Variants in TMC4 observed in about 807,000 individuals in gnomAD.
The protein encoded by TMC4 is transmembrane channel like 4.
In TMC4, 70 loss-of-function variants were observed where a neutral mutation model predicts 82.0. That is an observed-to-expected ratio of 0.85 (90% CI 0.70 to 1.04). The LOEUF is 1.04. Among genes scored for constraint, TMC4 ranks in the 50% least tolerant of loss-of-function variants. TMC4 has a pLI of 0.00. For missense variants in TMC4, 879 were observed against 899.0 expected, an observed-to-expected ratio of 0.98 and a Z score of 0.28; for synonymous variants, 446 against 406.0, an observed-to-expected ratio of 1.10 and a Z score of -1.18.
Position 54,165,424 on chromosome 19 carries a change from AT to A in TMC4, c.939del (p.Glu313AspfsTer2). The part of the protein sequence containing the change: ...VRLRQRIILY[E>X]LKVELEETVV... ...ACCCCGCTCCCTAATCGCACCTTTA[AT>A]TCGTACAAGATGATGCGCTGGCGCA... On this transcript the variant is annotated frameshift_variant, in exon 6 of 15. Coordinates refer to ENST00000619895, the MANE Select transcript of TMC4 (RefSeq NM_144686.4). LOFTEE classifies it high-confidence loss of function. 6.3e-7 allele frequency: 1 copy of A among 1,599,794 alleles called. No homozygotes were observed. The highest frequency in any genetic ancestry group is 1.1e-5 in the South Asian group (1 of 90,650).
intron 2 of TMC4, among the ~76,000 whole-genome samples, chr19:54,169,901 C>A (rs1438457878): frequency 6.6e-6 from 1 of 151,204 alleles, no homozygotes; most frequent in Non-Finnish European, 1.5e-5. Flanking sequence ...ACCAGCCTGA[C>A]CAACATGGTG....
At position 54,162,136 on chromosome 19, in the gene TMC4, G is replaced by A. The variant is rs764462813; in HGVS notation, c.1652C>T (p.Thr551Met). ...FFCPLLPLLN[T>M]VKFLLLFYLK... ...GTAGAAAAGCAGCAGGAACTTGACCGTGTTAAGCAGGGGCAGTAAAGGGCA... is the reference window on the plus strand; with the variant it reads ...GTAGAAAAGCAGCAGGAACTTGACCATGTTAAGCAGGGGCAGTAAAGGGCA... The change falls in exon 11 of 15, where the codon ACG (threonine) becomes ATG (methionine). Residue 551 changes from threonine to methionine, a missense_variant. Physicochemically the swap from Thr to Met is moderately conservative, Grantham distance 81 (BLOSUM62 -1). Coordinates refer to ENST00000619895, the MANE Select transcript of TMC4 (RefSeq NM_144686.4). 1.9e-6 allele frequency: 3 copies of A among 1,613,566 alleles called. No individual in the cohort carries two copies. Among genetic ancestry groups the A allele is most frequent in the South Asian group, 2.2e-5 (2 of 91,000 alleles).
At position 54,169,588 on chromosome 19, in the gene TMC4, AAG is replaced by A; in HGVS notation, c.364_365del (p.Leu122SerfsTer46). ...GTKTDRWARL[L>X]RRSKEKTKEG... ...CCTTTGTTTTCTCCTTGGACCTCCGAAGTAGCCGCGCCCATCGGTCCGTCTTA... is the reference window on the plus strand; with the variant it reads ...CCTTTGTTTTCTCCTTGGACCTCCGATAGCCGCGCCCATCGGTCCGTCTTA... On this transcript the variant is annotated frameshift_variant, in exon 3 of 15. Coordinates refer to ENST00000619895, the MANE Select transcript of TMC4 (RefSeq NM_144686.4). LOFTEE classifies it high-confidence loss of function. 6.2e-7 allele frequency: 1 copy of A among 1,614,024 alleles called. No homozygotes were observed. Among genetic ancestry groups the A allele is most frequent in the South Asian group, 1.1e-5 (1 of 91,082 alleles).
intron 11 of TMC4, 44 bp from the exon 12 acceptor site, chr19:54,161,304 G>C: frequency 7.3e-7 from 1 of 1,366,404 alleles, no homozygotes; most frequent in South Asian, 1.7e-5. Flanking sequence ...AAACACAAGA[G>C]TCTGTGCCTC....
chr19:54,162,421 C>G, intron 10 of TMC4, 136 bp from the exon 11 acceptor site: 1 of 719,396 alleles, frequency 1.4e-6, no homozygotes, highest in Non-Finnish European at 2.2e-6. Flanking sequence ...TTCAGGACTC[C>G]ACGTGGAGGG....
chr19:54,160,443 C>A, intron 14 of TMC4, 24 bp downstream of exon 14: 1 of 1,611,780 alleles, frequency 6.2e-7, no homozygotes, highest in East Asian at 2.2e-5. Flanking sequence ...CCCAGGGGCC[C>A]TCTCAGGGAC....
chr19:54,164,506 C>A lies in TMC4; in HGVS notation c.1041G>T (p.Leu347=). The A allele has an allele frequency of 6.2e-7, 1 of 1,613,958 alleles. No individual in the cohort carries two copies. The highest frequency in any genetic ancestry group is 8.5e-7 in the Non-Finnish European group (1 of 1,180,002). The part of the protein sequence containing the change: ...RVWLVRVLLN[L]LVVALLGAAF... ...CTGCCCCCAGGAGCGCGACCACCAG[C>A]AGGTTGAGCAGCACCCGCACCAACC... Residue 347 remains leucine (L), a synonymous_variant, in exon 7 of 15, where the codon CTG becomes CTT. Coordinates refer to ENST00000619895, the MANE Select transcript of TMC4 (RefSeq NM_144686.4).
intron 2 of TMC4, among the ~76,000 whole-genome samples, chr19:54,171,064 TA>T (rs2075871064): frequency 1.4e-5 from 2 of 145,584 alleles, no homozygotes; most frequent in African/African-American, 5.6e-5. Flanking sequence ...TATATACACA[TA>T]TATATACATA....
chr19:54,162,905 C>A, intron 9 of TMC4, 128 bp downstream of exon 9: 2 of 1,556,078 alleles, frequency 1.3e-6, no homozygotes, highest in Non-Finnish European at 8.8e-7. Flanking sequence ...TTCAAACTTT[C>A]ATACCCTTGG....
In TMC4 at chr19:54,168,871, T is replaced by C. The variant is rs796439158; in HGVS notation, c.443-191A>G. The stretch of plus-strand genomic sequence containing the variant: ...TCTTTTCTTTTCTTTTCTTTTCTTT[T>C]CTTTTCTTTTCTTTTCTTTCTTTCC... On this transcript the variant is annotated intron_variant, in intron 3 of 14. Transcript: ENST00000619895. 1.8e-3 allele frequency among the ~76,000 whole-genome samples: 81 copies of C among 44,456 alleles called. 4 individuals are homozygous for C. The highest frequency in any genetic ancestry group is 7.5e-3 in the Middle Eastern group (1 of 134). 29.2% of individuals were successfully genotyped at this position (44,456 alleles called of 152,430 possible). A position where few individuals can be genotyped will look rare whatever the true frequency, so the allele number is the denominator to read the frequency against.
chr19:54,169,397 A>T, intron 3 of TMC4, 115 bp downstream of exon 3: 1 of 1,405,996 alleles, frequency 7.1e-7, no homozygotes, highest in Admixed American at 2.5e-5. Flanking sequence ...CAGACCCAAA[A>T]ATCCAGGCCC....
rs139987490 is a variant in TMC4, at chr19:54,169,605, G to T, written c.349C>A (p.Arg117=). 6.2e-7 allele frequency: 1 copy of T among 1,613,976 alleles called. No individual in the cohort carries two copies. The highest frequency in any genetic ancestry group is 2.2e-5 in the East Asian group (1 of 44,866). Residue 117 remains arginine, a synonymous_variant, in exon 3 of 15, where the codon CGA becomes AGA. Transcript: ENST00000619895. ...VVYGSGTKTD[R]WARLLRRSKE... Reference sequence around the variant, plus strand: ...GACCTCCGAAGTAGCCGCGCCCATCGGTCCGTCTTAGTTCCAGAGCCATAG... The same window carrying T: ...GACCTCCGAAGTAGCCGCGCCCATCTGTCCGTCTTAGTTCCAGAGCCATAG...
At chr19:54,166,822 A>C (rs1049163326) in intron 5 of TMC4, among the ~76,000 whole-genome samples, 8 of 152,014 alleles carry the variant, frequency 5.3e-5, no homozygotes, top group Admixed American at 4.6e-4. Flanking sequence ...GCATGGTGGC[A>C]CATGCCTGTA....
intron 5 of TMC4, 120 bp from the exon 6 acceptor site, chr19:54,165,686 G>T: frequency 8.5e-7 from 1 of 1,175,012 alleles, no homozygotes; most frequent in South Asian, 1.6e-5. Context: ...GGTACTAGGC[G>T]AGTTCCCACC....
Position 54,163,088 on chromosome 19 carries a change from C to G in TMC4, c.1349G>C (p.Gly450Ala). 1 of 1,614,052 alleles carries G rather than the reference C, an allele frequency of 6.2e-7. No homozygotes were observed. The highest frequency in any genetic ancestry group is 8.5e-7 in the Non-Finnish European group (1 of 1,180,012). ...FSLWNQITCG[G>A]DSEAEDCKTC... is the part of the protein sequence containing the mutation. ...TTTGCAGTCCTCAGCCTCGGAGTCG[C>G]CCCCACAAGTGATCTGATTCCAGAG... Residue 450 changes from glycine (G) to alanine (A), a missense_variant, in exon 9 of 15, where the codon GGC becomes GCC. Physicochemically the swap from Gly to Ala is moderately conservative, Grantham distance 60. Transcript: ENST00000619895.
intron 8 of TMC4, 179 bp downstream of exon 8, chr19:54,163,545 C>T: frequency 1.3e-6 from 1 of 746,382 alleles, no homozygotes; most frequent in Non-Finnish European, 2.3e-6. Context: ...TGACCTCAGC[C>T]TCGGCCTCCC....
In TMC4 at chr19:54,168,558, G is replaced by C. The variant is rs138303118; in HGVS notation, c.565C>G (p.Pro189Ala). ...TLLPTWLGGA[P>A]PGPPGPDISS... ...ATGTCGGGGCCGGGAGGGCCTGGGGGAGCGCCTCCCAACCAGGTGGGCAGC... is the reference window on the plus strand; with the variant it reads ...ATGTCGGGGCCGGGAGGGCCTGGGGCAGCGCCTCCCAACCAGGTGGGCAGC... The change falls in exon 4 of 15, where the codon CCC becomes GCC. Residue 189 changes from proline (P) to alanine (A), a missense_variant. Coordinates refer to ENST00000619895, the MANE Select transcript of TMC4 (RefSeq NM_144686.4). The C allele has an allele frequency of 4.8e-5, 75 of 1,572,364 alleles. No individual in the cohort carries two copies. In the Middle Eastern group the frequency reaches 7.3e-4, roughly 15 times the overall value.
chr19:54,161,279 G>C lies in TMC4; in HGVS notation c.1687-19C>G, dbSNP rs752013205. 1 of 1,499,012 alleles carries C rather than the reference G, an allele frequency of 6.7e-7. No homozygotes were observed. The highest frequency in any genetic ancestry group is 8.9e-7 in the Non-Finnish European group (1 of 1,124,432). The allele number at this position is 1,499,012 out of a possible 1,614,324, so 92.9% of individuals were successfully genotyped here. ...GGGTAAGCTGGTGGGGGAAGGCACG[G>C]AGAAAAGGGCTCTGAAACACAAGAG... On this transcript the variant is annotated intron_variant, in intron 11 of 14. Coordinates refer to ENST00000619895, the MANE Select transcript of TMC4 (RefSeq NM_144686.4).
At position 54,160,869 on chromosome 19, in the gene TMC4, C is replaced by A. The variant is rs905649871; in HGVS notation, c.1973+9G>T. ...TCAAACCCAGACCCAGAAGTCTGGGCCGTCTCACCTGGAGATCAGCAGAAG... is the reference window on the plus strand; with the variant it reads ...TCAAACCCAGACCCAGAAGTCTGGGACGTCTCACCTGGAGATCAGCAGAAG... On this transcript the variant is annotated intron_variant, in intron 13 of 14. Coordinates refer to ENST00000619895, the MANE Select transcript of TMC4 (RefSeq NM_144686.4). The A allele has an allele frequency of 6.2e-7, 1 of 1,613,528 alleles. No homozygotes were observed. Among genetic ancestry groups the A allele is most frequent in the Non-Finnish European group, 8.5e-7 (1 of 1,179,770 alleles).
Sources: allele counts gnomAD v4.1 joint callset (sites outside exome capture counted in the v4.1 genomes callset), GRCh38; gene constraint gnomAD v4.1.1; transcripts MANE v1.5; gene names NCBI Gene and HGNC (gene_info 2026-07-23, HGNC 2026-07-21).